The following PDE7A variants were observed in gnomAD, a reference collection of about 807,000 sequenced individuals.
PDE7A encodes high affinity 3',5'-cyclic-AMP phosphodiesterase 7A.
A neutral mutation model predicts 64.3 loss-of-function variants in PDE7A; 39 were observed. The observed-to-expected ratio is 0.61, with a 90% CI of 0.47 to 0.79. The LOEUF is 0.79. PDE7A is among the 30% of genes least tolerant of loss of function. PDE7A has a pLI of 0.00. For missense variants in PDE7A, 470 were observed against 582.8 expected, an observed-to-expected ratio of 0.81 and a Z score of 1.99; for synonymous variants, 203 against 206.8, an observed-to-expected ratio of 0.98 and a Z score of 0.16.
chr8:65,726,839 C>T, intron 9 of PDE7A, 36 bp downstream of exon 9: 1 of 1,106,574 alleles, frequency 9.0e-7, no homozygotes, highest in African/African-American at 1.5e-5. Context: ...ACTTCTATAA[C>T]CAGTAACAAA....
intron 3 of PDE7A, among the ~76,000 whole-genome samples, chr8:65,778,309 A>C (rs1352232875): frequency 1.3e-5 from 2 of 152,146 alleles, no homozygotes; most frequent in East Asian, 3.9e-4. Context: ...AACTACCCTA[A>C]GACTTCCCTG....
intron 3 of PDE7A, chr8:65,765,467 C>T (rs1359588072): frequency 1.9e-5 from 2 of 103,990 alleles, no homozygotes; most frequent in African/African-American, 7.7e-5. Flanking sequence ...CCAGCCTGGG[C>T]GACAGAGCGA....
At chr8:65,729,770 T>C (rs1806768762) in intron 7 of PDE7A, among the ~76,000 whole-genome samples, 1 of 151,834 alleles carries the variant, frequency 6.6e-6, no homozygotes, top group African/African-American at 2.4e-5. Context: ...GGTTTCACCA[T>C]GTTGGCCAGG....
At chr8:65,770,938 C>A in intron 3 of PDE7A, 1 of 227,134 alleles carries the variant, frequency 4.4e-6, no homozygotes, top group Non-Finnish European at 9.1e-6. Context: ...CCTCTTCATA[C>A]CCTTTCAGAA....
At chr8:65,794,246 T>C (rs1809777892) in intron 1 of PDE7A, among the ~76,000 whole-genome samples, 1 of 151,520 alleles carries the variant, frequency 6.6e-6, no homozygotes, top group Admixed American at 6.6e-5. Context: ...AATTTAATAA[T>C]GAAAGAAGTC....
chr8:65,729,091 A>G (rs1448303069), intron 7 of PDE7A, among the ~76,000 whole-genome samples: 1 of 152,250 alleles, frequency 6.6e-6, no homozygotes, highest in African/African-American at 2.4e-5. Flanking sequence ...GGTGGATTAA[A>G]AGACAGATGT....
chr8:65,748,898 A>G (rs541599590), intron 3 of PDE7A, among the ~76,000 whole-genome samples: 3 of 152,326 alleles, frequency 2.0e-5, no homozygotes, highest in African/African-American at 4.8e-5. Flanking sequence ...GCTTGCAGGT[A>G]TGCTACTAGT....
chr8:65,770,162 TGC>T lies in PDE7A; in HGVS notation c.283+9556_283+9557del, dbSNP rs1257933783. On this transcript the variant is annotated intron_variant, in intron 3 of 12. Transcript: ENST00000401827. Reference sequence around the variant, plus strand: ...GTGTGTGTGTGTGTGTGTGTGTGTGTGCCACACCTAATTCTTTTTTCTGAACA... The same window carrying T: ...GTGTGTGTGTGTGTGTGTGTGTGTGTCACACCTAATTCTTTTTTCTGAACA... 2.2e-4 allele frequency among the ~76,000 whole-genome samples: 32 copies of T among 142,750 alleles called. 2 individuals carry two copies. In the South Asian group the frequency reaches 3.5e-3, roughly 16 times the overall value. 93.6% of individuals were successfully genotyped at this position (142,750 alleles called of 152,430 possible).
intron 1 of PDE7A, among the ~76,000 whole-genome samples, chr8:65,796,352 A>C (rs938681872): frequency 3.9e-5 from 6 of 152,162 alleles, no homozygotes; most frequent in African/African-American, 1.4e-4. Context: ...ACCTAGATAC[A>C]TAGCAATCAA....
chr8:65,742,086 A>G (rs1807463498), intron 5 of PDE7A, among the ~76,000 whole-genome samples: 2 of 152,274 alleles, frequency 1.3e-5, no homozygotes, highest in African/African-American at 4.8e-5. Flanking sequence ...AGAGATGCTC[A>G]GTTGTGTTAA....
intron 4 of PDE7A, among the ~76,000 whole-genome samples, chr8:65,745,778 G>C (rs1310812937): frequency 6.6e-6 from 1 of 152,184 alleles, no homozygotes; most frequent in East Asian, 1.9e-4. Flanking sequence ...TAACATCACA[G>C]AAGTGTGGTT....
chr8:65,720,397 A>G (rs1454754695), intron 12 of PDE7A: 4 of 154,176 alleles, frequency 2.6e-5, no homozygotes, highest in Non-Finnish European at 5.9e-5. Flanking sequence ...TTTTCTTCAT[A>G]TCCAAGACTC....
Position 65,807,990 on chromosome 8 carries a change from C to A in PDE7A, c.139-25147G>T, listed in dbSNP as rs1810150211. Among the ~76,000 whole-genome samples, 3 of 152,152 alleles carry A rather than the reference C, an allele frequency of 2.0e-5. No individual in the cohort carries two copies. The South Asian group carries it at 6.2e-4, about 31-fold the overall frequency. On this transcript the variant is annotated intron_variant, in intron 1 of 12. Transcript: ENST00000401827. ...GCCACTAAAGAAATTCTGGCTGATA[C>A]AACGAGTGTCATACTGGAGCCTGCT...
Position 65,828,176 on chromosome 8 carries a change from A to G in PDE7A, c.138+13195T>C, listed in dbSNP as rs1275800518. Among the ~76,000 whole-genome samples the G allele has an allele frequency of 2.0e-5, 3 of 152,156 alleles. No individual in the cohort carries two copies. The East Asian group carries it at 5.8e-4, about 29-fold the overall frequency. On this transcript the variant is annotated intron_variant, in intron 1 of 12. Transcript: ENST00000401827. ...AAAAAAAAAAATCAGAAAAGTAGGAAGATGGTAAAAATTACCAGAAATCTC... is the reference window on the plus strand; with the variant it reads ...AAAAAAAAAAATCAGAAAAGTAGGAGGATGGTAAAAATTACCAGAAATCTC...
chr8:65,817,585 C>A (rs1810439057), intron 1 of PDE7A, among the ~76,000 whole-genome samples: 1 of 152,048 alleles, frequency 6.6e-6, no homozygotes, highest in Non-Finnish European at 1.5e-5. Context: ...TCCTTGTGTT[C>A]CATGACCTTG....
chr8:65,805,712 C>A (rs192959975), intron 1 of PDE7A, among the ~76,000 whole-genome samples: 13 of 152,272 alleles, frequency 8.5e-5, no homozygotes, highest in Admixed American at 8.5e-4. Context: ...TGTGGATTCA[C>A]CCTCGTGTCT....
chr8:65,737,852 TCTTAA>T (rs1180546487), intron 6 of PDE7A, among the ~76,000 whole-genome samples: 16 of 152,316 alleles, frequency 1.1e-4, no homozygotes, highest in East Asian at 7.7e-4. Flanking sequence ...ACCAGCAACA[TCTTAA>T]CTTATTTTAT....
At chr8:65,734,323 C>T (rs1807032501) in intron 7 of PDE7A, among the ~76,000 whole-genome samples, 1 of 152,204 alleles carries the variant, frequency 6.6e-6, no homozygotes. Context: ...ATCCACATCC[C>T]TACTTCACCA....
At chr8:65,825,096 C>T (rs1410958661) in intron 1 of PDE7A, among the ~76,000 whole-genome samples, 2 of 151,666 alleles carry the variant, frequency 1.3e-5, no homozygotes, top group African/African-American at 2.4e-5. Context: ...GATTTATGCA[C>T]AAAAATCATC....
Sources: allele counts gnomAD v4.1 joint callset (sites outside exome capture counted in the v4.1 genomes callset), GRCh38; gene constraint gnomAD v4.1.1; transcripts MANE v1.5; gene names NCBI Gene and HGNC (gene_info 2026-07-23, HGNC 2026-07-21).